DPP10: variants seen among roughly 807,000 people sequenced by gnomAD.
DPP10 encodes dipeptidyl peptidase like 10.
A neutral mutation model predicts 120.9 loss-of-function variants in DPP10; 33 were observed. That is an observed-to-expected ratio of 0.27 (90% CI 0.21 to 0.37). The LOEUF is 0.37. DPP10 is among the 10% of genes least tolerant of loss of function. The pLI is 1.00. For missense variants in DPP10, 816 were observed against 942.8 expected (o/e 0.87, Z 1.76); for synonymous variants, 337 against 326.1 (o/e 1.03, Z -0.36).
intron 5 of DPP10, among the ~76,000 whole-genome samples, chr2:115,613,783 T>G (rs184523182): frequency 5.3e-5 from 8 of 152,180 alleles, no homozygotes; most frequent in Admixed American, 5.2e-4. Context: ...AAGAGATTAC[T>G]TGGCAGGTGA....
chr2:115,125,665 G>A (rs1327996626), intron 1 of DPP10, among the ~76,000 whole-genome samples: 5 of 144,380 alleles, frequency 3.5e-5, no homozygotes, highest in East Asian at 2.2e-4. Context: ...GCCTCCTCCC[G>A]GGTTCACGCC....
At chr2:114,460,387 TTAGCTGATA>T (rs1404955919) in intron 1 of DPP10, among the ~76,000 whole-genome samples, 3 of 152,222 alleles carry the variant, frequency 2.0e-5, no homozygotes, top group Non-Finnish European at 4.4e-5. Context: ...TAATTTCAGA[TTAGCTGATA>T]TAGCTAGGGT....
rs531077479 is a variant in DPP10, at chr2:115,611,865, A to G, written c.442-77822A>G. On this transcript the variant is annotated intron_variant, in intron 5 of 25. Coordinates refer to ENST00000410059, the MANE Select transcript of DPP10 (RefSeq NM_020868.6). ...CTGTAAAATGGAAGCAACAAACTCA[A>G]TGGCTTTTAAGATCTTTGTAACCTC... is the stretch of plus-strand genomic sequence containing the variant. Among the ~76,000 whole-genome samples, 77 of 152,180 alleles carry G rather than the reference A, an allele frequency of 5.1e-4. 1 individual carries two copies. The highest frequency in any genetic ancestry group is 1.8e-3 in the African/African-American group (75 of 41,538).
At chr2:115,642,410 G>A (rs997508660) in intron 5 of DPP10, among the ~76,000 whole-genome samples, 6 of 152,058 alleles carry the variant, frequency 3.9e-5, no homozygotes, top group African/African-American at 1.4e-4. Flanking sequence ...GAAAAAAATT[G>A]ACCTTCCTTA....
At chr2:114,820,660 G>A (rs562531391) in intron 1 of DPP10, among the ~76,000 whole-genome samples, 2 of 152,308 alleles carry the variant, frequency 1.3e-5, no homozygotes, top group East Asian at 1.9e-4. Context: ...CTGAGGGGAA[G>A]GGGAAGCCCT....
At chr2:115,641,069 A>G (rs959187387) in intron 5 of DPP10, among the ~76,000 whole-genome samples, 7 of 152,188 alleles carry the variant, frequency 4.6e-5, no homozygotes, top group African/African-American at 1.7e-4. Context: ...TGATATACAT[A>G]CAGGAAAGTA....
intron 1 of DPP10, among the ~76,000 whole-genome samples, chr2:114,884,202 T>C (rs1472887749): frequency 6.6e-6 from 1 of 152,228 alleles, no homozygotes; most frequent in Non-Finnish European, 1.5e-5. Flanking sequence ...AAAGGGCCTC[T>C]ACTGTTTTCA....
At chr2:114,987,804 C>CTTTTTTTTTTTTTT (rs59203543) in intron 1 of DPP10, among the ~76,000 whole-genome samples, 62,389 of 100,314 alleles carry the variant, frequency 0.62, 22,577 homozygotes, top group Middle Eastern at 0.75. Flanking sequence ...TGGAGACTGT[C>CTTTTTTTTTTTTTT]TTTTTTTTTT....
chr2:115,233,094 A>G (rs2057820696), intron 1 of DPP10, among the ~76,000 whole-genome samples: 1 of 152,202 alleles, frequency 6.6e-6, no homozygotes, highest in Admixed American at 6.5e-5. Context: ...GTGACAGCAA[A>G]TTAGTGACCA....
chr2:115,830,185 G>A lies in DPP10; in HGVS notation c.1951-5972G>A, dbSNP rs1040948819. Among the ~76,000 whole-genome samples the A allele has an allele frequency of 2.3e-4, 35 of 151,826 alleles. 1 individual carries two copies. The highest frequency in any genetic ancestry group is 7.2e-4 in the African/African-American group (30 of 41,420). The stretch of plus-strand genomic sequence containing the variant: ...AGCCTGGCCAACATGGTGAAACCCC[G>A]TCTCTGCTAAAAAAGTACAAAAATT... On this transcript the variant is annotated intron_variant, in intron 21 of 25. Transcript: ENST00000410059.
intron 1 of DPP10, among the ~76,000 whole-genome samples, chr2:114,993,919 C>A (rs1268715418): frequency 6.6e-6 from 1 of 152,086 alleles, no homozygotes; most frequent in Admixed American, 6.5e-5. Flanking sequence ...TCACTATTTC[C>A]TCCTTGAATA....
At chr2:114,862,489 G>A (rs1461181333) in intron 1 of DPP10, among the ~76,000 whole-genome samples, 2 of 152,122 alleles carry the variant, frequency 1.3e-5, no homozygotes, top group Non-Finnish European at 2.9e-5. Flanking sequence ...ATTTTTGGCA[G>A]ATGGACTGTG....
At chr2:114,491,213 A>G (rs1681969169) in intron 1 of DPP10, among the ~76,000 whole-genome samples, 1 of 152,222 alleles carries the variant, frequency 6.6e-6, no homozygotes, top group African/African-American at 2.4e-5. Context: ...TGAAAATTTT[A>G]GAAAGTCCAA....
chr2:115,099,952 C>T (rs976173074), intron 1 of DPP10, among the ~76,000 whole-genome samples: 1 of 152,164 alleles, frequency 6.6e-6, no homozygotes, highest in South Asian at 2.1e-4. Context: ...ATGTAGTAAG[C>T]AGTCTTTAGT....
intron 13 of DPP10, among the ~76,000 whole-genome samples, chr2:115,774,706 A>G (rs1355298988): frequency 6.6e-6 from 1 of 152,134 alleles, no homozygotes; most frequent in Non-Finnish European, 1.5e-5. Flanking sequence ...ACTTCCACTA[A>G]GAACATAAAA....
intron 1 of DPP10, among the ~76,000 whole-genome samples, chr2:115,237,098 A>T (rs1452708811): frequency 2.0e-5 from 3 of 152,020 alleles, no homozygotes; most frequent in African/African-American, 7.2e-5. Flanking sequence ...AGCTTATTTT[A>T]TTGTACTTTG....
At chr2:115,706,617 C>T (rs2092119633) in intron 7 of DPP10, among the ~76,000 whole-genome samples, 1 of 151,914 alleles carries the variant, frequency 6.6e-6, no homozygotes, top group South Asian at 2.1e-4. Context: ...AGCGCTTACA[C>T]CATACCTATT....
intron 3 of DPP10, among the ~76,000 whole-genome samples, chr2:115,369,830 A>G (rs1048717551): frequency 8.5e-5 from 13 of 152,104 alleles, no homozygotes; most frequent in African/African-American, 3.1e-4. Context: ...TCTCTCTTCT[A>G]TGATTCAATT....
intron 1 of DPP10, among the ~76,000 whole-genome samples, chr2:114,518,069 A>ATTTTTTTTT (rs751351962): frequency 1.8e-5 from 1 of 54,140 alleles, no homozygotes; most frequent in Non-Finnish European, 3.4e-5. Flanking sequence ...TGAGCTATTC[A>ATTTTTTTTT]TTTTTTTTTT....
Sources: gnomAD v4.1 joint callset for allele counts (sites outside exome capture counted in the v4.1 genomes callset) on GRCh38, gnomAD v4.1.1 for gene constraint, MANE v1.5 for transcripts, NCBI Gene and HGNC (gene_info 2026-07-23, HGNC 2026-07-21) for gene names.